Variants in SVIL observed in about 807,000 individuals in gnomAD.
The protein encoded by SVIL is archvillin.
SVIL carries 101 observed loss-of-function variants against 240.4 expected under a neutral mutation model. The ratio of observed to expected loss-of-function variants is 0.42; its 90% CI spans 0.36 to 0.50. SVIL has a LOEUF of 0.50. Among genes scored for constraint, SVIL ranks in the 20% least tolerant of loss-of-function variants. The pLI is 0.01. For missense variants in SVIL, 2,512 were observed against 2,818.7 expected, an observed-to-expected ratio of 0.89 and a Z score of 2.46; for synonymous variants, 999 against 1,100.0, an observed-to-expected ratio of 0.91 and a Z score of 1.82.
intron 1 of SVIL, among the ~76,000 whole-genome samples, chr10:29,614,304 T>A (rs1481363389): frequency 6.6e-6 from 1 of 152,136 alleles, no homozygotes; most frequent in Non-Finnish European, 1.5e-5. Context: ...AGCAATCCCA[T>A]TACTGGATAT....
chr10:29,464,296 A>G (rs1944628467), intron 34 of SVIL, among the ~76,000 whole-genome samples: 1 of 151,946 alleles, frequency 6.6e-6, no homozygotes, highest in Non-Finnish European at 1.5e-5. Context: ...AAAATTAGCG[A>G]GGCATGGTGC....
At chr10:29,530,941 T>C (rs757950229) in intron 10 of SVIL, among the ~76,000 whole-genome samples, 9 of 152,220 alleles carry the variant, frequency 5.9e-5, no homozygotes, top group Admixed American at 3.3e-4. Flanking sequence ...TTCATGAATA[T>C]ATTTTATGGG....
intron 1 of SVIL, among the ~76,000 whole-genome samples, chr10:29,579,815 C>A (rs1174675396): frequency 6.6e-6 from 1 of 152,178 alleles, no homozygotes; most frequent in Non-Finnish European, 1.5e-5. Flanking sequence ...GCCAGCACTT[C>A]CACTGCAGCC....
chr10:29,711,442 A>G (rs911007377), intron 1 of SVIL, among the ~76,000 whole-genome samples: 2 of 151,360 alleles, frequency 1.3e-5, no homozygotes, highest in Admixed American at 6.6e-5. Flanking sequence ...GCCACCAACA[A>G]AAAGCAGGAG....
Position 29,533,337 on chromosome 10 carries a change from A to T in SVIL, c.1030T>A (p.Ser344Thr). Residue 344 changes from serine (S) to threonine (T), a missense_variant, in exon 8 of 38, where the codon TCT (serine) becomes ACT (threonine). By Grantham distance (58) the Ser-to-Thr change is moderately conservative. Around this residue, in one of 3 missense-constraint regions of SVIL, gnomAD observed 1,443 missense variants for 1,486.6 expected, o/e 0.97. Coordinates refer to ENST00000355867, the MANE Select transcript of SVIL (RefSeq NM_021738.3). ...PAPVHYVSFQ[S>T]EHSAFDRVPS... Reference sequence around the variant, plus strand: ...ACCCTATCAAAGGCTGAGTGCTCAGACTGAAATGACACGTAATGGACTGGC... The same window carrying T: ...ACCCTATCAAAGGCTGAGTGCTCAGTCTGAAATGACACGTAATGGACTGGC... 6.2e-7 allele frequency: 1 copy of T among 1,614,110 alleles called. No homozygotes were observed. The highest frequency in any genetic ancestry group is 8.5e-7 in the Non-Finnish European group (1 of 1,180,018).
chr10:29,680,637 G>A (rs1274160090), intron 2 of SVIL, among the ~76,000 whole-genome samples: 1 of 152,210 alleles, frequency 6.6e-6, no homozygotes, highest in Non-Finnish European at 1.5e-5. Context: ...TAGCAAGAGA[G>A]GCTGGGCACA....
Position 29,457,574 on chromosome 10 carries a change from T to C in SVIL, c.*673A>G, listed in dbSNP as rs769677213. On this transcript the variant is annotated 3_prime_UTR_variant, in exon 38 of 38. Coordinates refer to ENST00000355867, the MANE Select transcript of SVIL (RefSeq NM_021738.3). ...AAGGCACTATACATTTTTGGGGAGA[T>C]ATTAAGGTAGAAAGGTTGATTCGCA... is the stretch of plus-strand genomic sequence containing the variant. 1.3e-5 allele frequency: 2 copies of C among 152,622 alleles called. No homozygotes were observed. Among genetic ancestry groups the C allele is most frequent in the Non-Finnish European group, 2.9e-5 (2 of 68,040 alleles). The allele number at this position is 152,622 out of a possible 1,614,324, so 9.5% of individuals were successfully genotyped here.
At chr10:29,525,416 C>A (rs1950830325) in intron 13 of SVIL, among the ~76,000 whole-genome samples, 1 of 152,116 alleles carries the variant, frequency 6.6e-6, no homozygotes, top group Non-Finnish European at 1.5e-5. Flanking sequence ...GAGTTGGAGA[C>A]TAGCCTGGGC....
chr10:29,589,325 G>A (rs745702751), intron 1 of SVIL, among the ~76,000 whole-genome samples: 1 of 152,174 alleles, frequency 6.6e-6, no homozygotes, highest in Non-Finnish European at 1.5e-5. Flanking sequence ...CTTAGGCAAA[G>A]GAGGAGAGGA....
intron 1 of SVIL, among the ~76,000 whole-genome samples, chr10:29,610,412 G>GCTCTCCCCTGCCCAAACA (rs1438404469): frequency 6.7e-6 from 1 of 149,670 alleles, no homozygotes; most frequent in South Asian, 2.1e-4. Flanking sequence ...GTCAATCAAG[G>GCTCTCCCCTGCCCAAACA]CTCTCCCCTG....
At chr10:29,666,789 A>T (rs996177375) in intron 2 of SVIL, among the ~76,000 whole-genome samples, 1 of 152,204 alleles carries the variant, frequency 6.6e-6, no homozygotes, top group African/African-American at 2.4e-5. Context: ...AGAAAAGGGA[A>T]AGTCATATTC....
chr10:29,576,528 A>C (rs1955703269), intron 1 of SVIL, among the ~76,000 whole-genome samples: 1 of 152,230 alleles, frequency 6.6e-6, no homozygotes, highest in South Asian at 2.1e-4. Flanking sequence ...TGATATATAC[A>C]TACCCCATCA....
intron 17 of SVIL, chr10:29,508,118 T>A (rs12767294): frequency 3.2e-5 from 10 of 309,300 alleles, no homozygotes; most frequent in African/African-American, 4.3e-5. Context: ...TTTTAACATT[T>A]AACAGAAAAT....
chr10:29,684,067 C>G (rs1220526747), intron 2 of SVIL, among the ~76,000 whole-genome samples: 1 of 152,206 alleles, frequency 6.6e-6, no homozygotes, highest in Non-Finnish European at 1.5e-5. Flanking sequence ...CCGAAAAAAA[C>G]TCCAAAAAAC....
intron 1 of SVIL, among the ~76,000 whole-genome samples, chr10:29,577,082 T>C (rs1442613725): frequency 6.6e-6 from 1 of 152,146 alleles, no homozygotes; most frequent in African/African-American, 2.4e-5. Context: ...GTTTTCACCA[T>C]GTTGACCAGG....
chr10:29,665,586 G>A (rs947208157), intron 2 of SVIL, among the ~76,000 whole-genome samples: 1 of 152,098 alleles, frequency 6.6e-6, no homozygotes, highest in African/African-American at 2.4e-5. Flanking sequence ...ACGAGGTCAG[G>A]AGATCGAGAC....
At chr10:29,600,091 A>C (rs143515321) in intron 1 of SVIL, among the ~76,000 whole-genome samples, 1,564 of 151,728 alleles carry the variant, frequency 0.01, 25 homozygotes, top group South Asian at 0.019. Context: ...CCCAGGCTGG[A>C]GTACAATGGT....
chr10:29,733,201 A>G (rs780042327), intron 1 of SVIL, among the ~76,000 whole-genome samples: 4 of 152,232 alleles, frequency 2.6e-5, no homozygotes, highest in Non-Finnish European at 5.9e-5. Context: ...AAACATCATC[A>G]TTATTAGTTA....
chr10:29,499,338 A>C (rs991763102), intron 17 of SVIL, 75 bp from the exon 18 acceptor site: 2 of 1,581,800 alleles, frequency 1.3e-6, no homozygotes, highest in African/African-American at 2.7e-5. Flanking sequence ...GCAGCATTTC[A>C]TGAGTGAAAA....
Sources: allele counts gnomAD v4.1 joint callset (sites outside exome capture counted in the v4.1 genomes callset), GRCh38; gene constraint gnomAD v4.1.1; regional missense constraint gnomAD v4.1.1; transcripts MANE v1.5; gene names NCBI Gene and HGNC (gene_info 2026-07-23, HGNC 2026-07-21).